Variants in BMERB1 observed in about 807,000 individuals in gnomAD.
BMERB1 encodes the protein bMERB domain-containing protein 1.
Under a neutral mutation model 23.6 loss-of-function variants are expected in BMERB1, and 12 were observed. That is an observed-to-expected ratio of 0.51 (90% CI 0.33 to 0.82). BMERB1 has a LOEUF of 0.82. BMERB1 is among the 40% of genes least tolerant of loss of function. The probability of loss-of-function intolerance (pLI) is 0.03; values close to 1 mark genes in which losing one functional copy is unlikely to be tolerated. For synonymous variants in BMERB1, 122 were observed against 96.6 expected (o/e 1.26, Z -1.54); for missense variants, 247 against 255.4 (o/e 0.97, Z 0.22).
intron 1 of BMERB1, among the ~76,000 whole-genome samples, chr16:15,454,612 G>C (rs1442921604): frequency 6.6e-6 from 1 of 152,124 alleles, no homozygotes; most frequent in Non-Finnish European, 1.5e-5. Context: ...GGCCAACATG[G>C]TGAAACCCCA....
intron 2 of BMERB1, among the ~76,000 whole-genome samples, chr16:15,537,482 T>A (rs1338128561): frequency 6.6e-6 from 1 of 151,282 alleles, no homozygotes; most frequent in East Asian, 2.0e-4. Flanking sequence ...GCCTCCCCAG[T>A]AGCGGGGATT....
intron 2 of BMERB1, among the ~76,000 whole-genome samples, chr16:15,566,671 T>A (rs1426980891): frequency 1.3e-5 from 2 of 150,730 alleles, no homozygotes; most frequent in African/African-American, 2.4e-5. Flanking sequence ...CTAAAAAAAA[T>A]AAAAATAAAA....
intron 3 of BMERB1, among the ~76,000 whole-genome samples, chr16:15,578,719 GT>G (rs1394082432): frequency 5.9e-5 from 9 of 152,138 alleles, no homozygotes; most frequent in Non-Finnish European, 8.8e-5. Flanking sequence ...GTGCCTTTGT[GT>G]GGTGGAAGGG....
At chr16:15,567,304 C>T (rs1463797997) in intron 2 of BMERB1, among the ~76,000 whole-genome samples, 1 of 152,196 alleles carries the variant, frequency 6.6e-6, no homozygotes, top group Non-Finnish European at 1.5e-5. Context: ...CAGAGGGAGA[C>T]TTTCCTCTAT....
At chr16:15,572,264 C>T (rs750119985) in intron 3 of BMERB1, among the ~76,000 whole-genome samples, 3 of 152,176 alleles carry the variant, frequency 2.0e-5, no homozygotes, top group Non-Finnish European at 4.4e-5. Flanking sequence ...TTGTGAATAT[C>T]CCATAAATAA....
At chr16:15,443,137 A>T (rs148775811) in intron 1 of BMERB1, among the ~76,000 whole-genome samples, 2,070 of 152,078 alleles carry the variant, frequency 0.014, 54 homozygotes, top group African/African-American at 0.049. Flanking sequence ...AATCCCAGCT[A>T]CTCTGGAGGC....
intron 1 of BMERB1, among the ~76,000 whole-genome samples, chr16:15,501,287 C>CTTTTT (rs71152437): frequency 2.8e-4 from 18 of 64,882 alleles, no homozygotes; most frequent in Admixed American, 5.5e-4. Context: ...GCTCTTTTTA[C>CTTTTT]TTTTTTTTTT....
chr16:15,456,625 C>CA (rs1164211873), intron 1 of BMERB1, among the ~76,000 whole-genome samples: 9 of 151,470 alleles, frequency 5.9e-5, no homozygotes, highest in African/African-American at 1.9e-4. Flanking sequence ...CTGCATCAGC[C>CA]AAAAAAAGTA....
intron 4 of BMERB1, among the ~76,000 whole-genome samples, chr16:15,582,256 G>A (rs573898367): frequency 8.8e-4 from 134 of 152,278 alleles, no homozygotes; most frequent in South Asian, 2.7e-3. Flanking sequence ...GAAATTAGCC[G>A]GGCGTGGTGG....
At chr16:15,568,895 G>T (rs1243832825) in intron 3 of BMERB1, among the ~76,000 whole-genome samples, 1 of 152,012 alleles carries the variant, frequency 6.6e-6, no homozygotes, top group Non-Finnish European at 1.5e-5. Context: ...TGTGTTAGTT[G>T]CCCTCTGTGG....
At chr16:15,468,260 C>A (rs2051201167) in intron 1 of BMERB1, among the ~76,000 whole-genome samples, 1 of 150,056 alleles carries the variant, frequency 6.7e-6, no homozygotes, top group South Asian at 2.1e-4. Context: ...ATCCTCCCAC[C>A]TCAACCTTCC....
At chr16:15,537,663 A>G (rs1025186776) in intron 2 of BMERB1, among the ~76,000 whole-genome samples, 7 of 139,286 alleles carry the variant, frequency 5.0e-5, no homozygotes, top group African/African-American at 1.9e-4. Flanking sequence ...CGAGAAATAT[A>G]TATGTATTTT....
rs1024624592 is a variant in BMERB1, at chr16:15,580,570, C to T, written c.305-647C>T. Among the ~76,000 whole-genome samples, 373 of 137,638 alleles carry T rather than the reference C, an allele frequency of 2.7e-3. 2 individuals carry two copies. Among genetic ancestry groups the T allele is most frequent in the African/African-American group, 0.01 (341 of 33,140 alleles). 90.3% of individuals were successfully genotyped at this position (137,638 alleles called of 152,430 possible). A position where few individuals can be genotyped will look rare whatever the true frequency, so the allele number is the denominator to read the frequency against. ...AGTGCTTTTTTTTTTTTTTTTGAGACAGAGTCTCGCTCTATCACCCAGGCT... is the reference window on the plus strand; with the variant it reads ...AGTGCTTTTTTTTTTTTTTTTGAGATAGAGTCTCGCTCTATCACCCAGGCT... On this transcript the variant is annotated intron_variant, in intron 3 of 5. Coordinates refer to ENST00000300006, the MANE Select transcript of BMERB1 (RefSeq NM_033201.3).
chr16:15,512,090 A>G (rs2051674816), intron 1 of BMERB1, among the ~76,000 whole-genome samples: 1 of 151,006 alleles, frequency 6.6e-6, no homozygotes, highest in Admixed American at 6.6e-5. Context: ...TCAATGTGAG[A>G]ATCAACTCCA....
chr16:15,529,014 AGTGT>A (rs1373368967), intron 2 of BMERB1, among the ~76,000 whole-genome samples: 5 of 144,916 alleles, frequency 3.5e-5, no homozygotes, highest in African/African-American at 1.4e-4. Context: ...ATGAAAAATA[AGTGT>A]TTGTTTGTTT....
intron 2 of BMERB1, among the ~76,000 whole-genome samples, chr16:15,557,417 T>G (rs1045289618): frequency 2.0e-5 from 3 of 152,196 alleles, no homozygotes. Flanking sequence ...TTAAAGCACT[T>G]TGCATGAACT....
chr16:15,580,816 A>T (rs929702275), intron 3 of BMERB1, among the ~76,000 whole-genome samples: 1 of 150,388 alleles, frequency 6.6e-6, no homozygotes, highest in Non-Finnish European at 1.5e-5. Context: ...AAGTGCTGGG[A>T]TTACAGGTGT....
chr16:15,469,370 C>G (rs897828786), intron 1 of BMERB1, among the ~76,000 whole-genome samples: 3 of 152,176 alleles, frequency 2.0e-5, no homozygotes, highest in Non-Finnish European at 4.4e-5. Context: ...ACCAGTAACA[C>G]AGTAACACAG....
intron 1 of BMERB1, among the ~76,000 whole-genome samples, chr16:15,455,057 C>T (rs1005864804): frequency 4.0e-5 from 6 of 151,712 alleles, no homozygotes; most frequent in Non-Finnish European, 8.8e-5. Context: ...CATCTGAGGG[C>T]GCGCGTGGTG....
Sources: allele counts gnomAD v4.1 joint callset (sites outside exome capture counted in the v4.1 genomes callset), GRCh38; gene constraint gnomAD v4.1.1; transcripts MANE v1.5; gene names NCBI Gene and HGNC (gene_info 2026-07-23, HGNC 2026-07-21).